The following ZNF750 variants were observed in gnomAD, a reference collection of about 807,000 sequenced individuals.
The protein encoded by ZNF750 is protein ZNF750.
ZNF750 carries 10 observed loss-of-function variants against 31.6 expected under a neutral mutation model. The ratio of observed to expected loss-of-function variants is 0.32; its 90% confidence interval spans 0.19 to 0.54. The LOEUF (loss-of-function observed/expected upper bound fraction) is 0.54, where lower values mean the gene tolerates loss of function less well. Among genes scored for constraint, ZNF750 ranks in the 20% least tolerant of loss-of-function variants. ZNF750 has a pLI of 0.95. For missense variants in ZNF750, 914 were observed against 934.9 expected (o/e 0.98, Z 0.29); for synonymous variants, 400 against 404.9 (o/e 0.99, Z 0.15).
At position 82,832,540 on chromosome 17, in the gene ZNF750, A is replaced by C; in HGVS notation, c.-86T>G. The C allele has an allele frequency of 1.6e-6, 2 of 1,217,306 alleles. No individual in the cohort carries two copies. Among genetic ancestry groups the C allele is most frequent in the African/African-American group, 1.5e-5 (1 of 67,324 alleles). The allele number at this position is 1,217,306 out of a possible 1,614,324, so 75.4% of individuals were successfully genotyped here. A position where few individuals can be genotyped will look rare whatever the true frequency, so the allele number is the denominator to read the frequency against. The stretch of plus-strand genomic sequence containing the variant: ...TGCACTTCGTGGTTTCTAAAGAGGC[A>C]CCTCCCGCTTTGCTTTCTTTCCCGA... On this transcript the variant is annotated 5_prime_UTR_variant, in exon 2 of 3. Transcript: ENST00000269394. The surrounding 1 kb of genome is among the most constrained non-coding windows in gnomAD (Gnocchi z 4.9).
Position 82,835,484 on chromosome 17 carries a change from G to T in ZNF750, c.-182-2848C>A, listed in dbSNP as rs2053889138. Among the ~76,000 whole-genome samples the T allele has an allele frequency of 6.6e-6, 1 of 152,120 alleles. No homozygotes were observed. Among genetic ancestry groups the T allele is most frequent in the Non-Finnish European group, 1.5e-5 (1 of 68,026 alleles). ...GTTGCCCAGGCTGGAGGGCAGTGGT[G>T]CGATCTCGGTTCACTGCAACCTCTG... On this transcript the variant is annotated intron_variant, in intron 1 of 2. Transcript: ENST00000269394. This position sits in a 1 kb window ranked among gnomAD's most constrained non-coding sequence, Gnocchi z 4.5.
rs749214457 is a variant in ZNF750 at position 82,830,480 on chromosome 17, TGGG to T, written c.1831_1833del (p.Pro611del). 1.2e-6 allele frequency: 2 copies of T among 1,613,302 alleles called. No homozygotes were observed. The highest frequency in any genetic ancestry group is 2.2e-5 in the South Asian group (2 of 91,058). ...TCTGGAGCCTCCTCGCCGGGGCCTG[TGGG>T]TGGGGCCCCGTCACCGTCGAGGCTG... On this transcript the variant is annotated inframe_deletion, in exon 3 of 3. Coordinates refer to ENST00000269394, the MANE Select transcript of ZNF750 (RefSeq NM_024702.3).
At chr17:82,839,037 A>T in intron 1 of ZNF750, 1 of 943,484 alleles carries the variant, frequency 1.1e-6, no homozygotes, top group Non-Finnish European at 1.3e-6. Context: ...ATCTGTGTCT[A>T]TATGTACAGA....
chr17:82,838,335 T>TAA (rs11370957), intron 1 of ZNF750, among the ~76,000 whole-genome samples: 342 of 149,938 alleles, frequency 2.3e-3, no homozygotes, highest in African/African-American at 6.5e-3. Context: ...AAAGAGTTCT[T>TAA]AAAAAAAAAA....
chr17:82,838,140 A>G (rs992084380), intron 1 of ZNF750, among the ~76,000 whole-genome samples: 2 of 152,228 alleles, frequency 1.3e-5, no homozygotes, highest in African/African-American at 4.8e-5. Flanking sequence ...CCACACAGAC[A>G]GTGCTTTGAA....
rs750371363 is a variant in ZNF750 at position 82,832,466 on chromosome 17, T to G, written c.-12A>C. On this transcript the variant is annotated 5_prime_UTR_variant, in exon 2 of 3. Coordinates refer to ENST00000269394, the MANE Select transcript of ZNF750 (RefSeq NM_024702.3). This position sits in a 1 kb window ranked among gnomAD's most constrained non-coding sequence, Gnocchi z 4.9. Reference sequence around the variant, plus strand: ...TTGAGGAGACTCATTTTCCTCCTTATGCCTTGGACTCTGGCTGTCCAGGTG... The same window carrying G: ...TTGAGGAGACTCATTTTCCTCCTTAGGCCTTGGACTCTGGCTGTCCAGGTG... 2.5e-6 allele frequency: 4 copies of G among 1,605,652 alleles called. No homozygotes were observed. In the African/African-American group the frequency reaches 5.3e-5, roughly 21 times the overall value.
chr17:82,832,329 A>G lies in ZNF750; in HGVS notation c.126T>C (p.Asn42=). 1 of 1,614,242 alleles carries G rather than the reference A, an allele frequency of 6.2e-7. No homozygotes were observed. Residue 42 remains asparagine, a synonymous_variant, in exon 2 of 3, where the codon AAT becomes AAC. Coordinates refer to ENST00000269394, the MANE Select transcript of ZNF750 (RefSeq NM_024702.3). The surrounding 1 kb of genome is among the most constrained non-coding windows in gnomAD (Gnocchi z 4.9). ...FTCNEKSHLF[N]HMKYGLCKNS... ...TTTTACAAAGACCATACTTCATGTG[A>G]TTAAAAAGATGTGACTTCTCATTGC...
rs1246863856 is a variant in ZNF750, at chr17:82,830,547, A to C, written c.1767T>G (p.Gly589=). ...AAVPQKTGTE[G]SEDGPSHPET... is the part of the protein sequence containing the mutation. ...CAGGGTGGCTGGGCCCATCCTCAGA[A>C]CCTTCTGTCCCAGTCTTCTGTGGAA... Residue 589 remains glycine, a synonymous_variant, in exon 3 of 3, where the codon GGT becomes GGG. Coordinates refer to ENST00000269394, the MANE Select transcript of ZNF750 (RefSeq NM_024702.3). 1.9e-6 allele frequency: 3 copies of C among 1,613,944 alleles called. No individual in the cohort carries two copies. The South Asian group carries it at 3.3e-5, about 18-fold the overall frequency.
At position 82,831,732 on chromosome 17, in the gene ZNF750, C is replaced by T. The variant is rs111300300; in HGVS notation, c.723G>A (p.Glu241=). ...ISPYMHPTIP[E]YPPHFYTEHG... is the part of the protein sequence containing the mutation. ...GCTCTGTGTAAAAGTGAGGCGGGTA[C>T]TCTGGGATTGTGGGGTGCATGTAAG... Residue 241 remains glutamate (E), a synonymous_variant, in exon 2 of 3, where the codon GAG becomes GAA. Coordinates refer to ENST00000269394, the MANE Select transcript of ZNF750 (RefSeq NM_024702.3). This position sits in a 1 kb window ranked among gnomAD's most constrained non-coding sequence, Gnocchi z 4.6. The T allele has an allele frequency of 3.1e-6, 5 of 1,613,992 alleles. No individual in the cohort carries two copies. The South Asian group carries it at 4.4e-5, about 14-fold the overall frequency.
intron 1 of ZNF750, among the ~76,000 whole-genome samples, chr17:82,839,461 C>T (rs969990906): frequency 6.6e-6 from 1 of 151,648 alleles, no homozygotes; most frequent in Non-Finnish European, 1.5e-5. Flanking sequence ...TAAATTCAGC[C>T]TAATGTACAT....
rs142460137 is a variant in ZNF750, at chr17:82,832,026, C to A, written c.429G>T (p.Pro143=). 1.2e-6 allele frequency: 2 copies of A among 1,612,622 alleles called. No individual in the cohort carries two copies. Among genetic ancestry groups the A allele is most frequent in the Admixed American group, 1.7e-5 (1 of 59,990 alleles). Residue 143 remains proline, a synonymous_variant, in exon 2 of 3, where the codon CCG becomes CCT. Coordinates refer to ENST00000269394, the MANE Select transcript of ZNF750 (RefSeq NM_024702.3). This position sits in a 1 kb window ranked among gnomAD's most constrained non-coding sequence, Gnocchi z 4.9. ...HRASPCKSPA[P]EAALGAQPAL... ...CAGGCTGGGCACCGAGGGCGGCTTC[C>A]GGAGCTGGGCTCTTGCAGGGTGATG... is the stretch of plus-strand genomic sequence containing the variant.
chr17:82,836,710 A>C (rs1026224501), intron 1 of ZNF750, among the ~76,000 whole-genome samples: 5 of 152,024 alleles, frequency 3.3e-5, no homozygotes, highest in East Asian at 1.9e-4. Context: ...AAAACAAAAC[A>C]AAACCAAAAA....
rs1347015485 is a variant in ZNF750, at chr17:82,832,213, G to C, written c.242C>G (p.Ala81Gly). 2 of 1,614,256 alleles carry C rather than the reference G, an allele frequency of 1.2e-6. No individual in the cohort carries two copies. Among genetic ancestry groups the C allele is most frequent in the Admixed American group, 1.7e-5 (1 of 60,032 alleles). Residue 81 changes from alanine (A) to glycine (G), a missense_variant, in exon 2 of 3, where the codon GCC becomes GGC. Ala to Gly is a moderately conservative substitution (Grantham distance 60). Coordinates refer to ENST00000269394, the MANE Select transcript of ZNF750 (RefSeq NM_024702.3). The surrounding 1 kb of genome is among the most constrained non-coding windows in gnomAD (Gnocchi z 4.9). Reference sequence around the variant, plus strand: ...CTTGGAAGAGGCTGGCTTCGCCGTGGCATCGGGCTGGTTGGTTTGCTTGGG... The same window carrying C: ...CTTGGAAGAGGCTGGCTTCGCCGTGCCATCGGGCTGGTTGGTTTGCTTGGG... ...LDPKQTNQPDATAKPASSKSV... is the reference protein window; with the variant it reads ...LDPKQTNQPDGTAKPASSKSV...
rs776343194 is a variant in ZNF750 at position 82,830,407 on chromosome 17, A to ACGGCTG, written c.1901_1906dup (p.Ala634_Ala635dup). 1.4e-4 allele frequency: 228 copies of ACGGCTG among 1,611,662 alleles called. No homozygotes were observed. Among genetic ancestry groups the ACGGCTG allele is most frequent in the Non-Finnish European group, 1.9e-4 (221 of 1,179,936 alleles). ...GTAGGCCGCCAGCTGGCACAGGGCCACGGCTGCCGTCTGCTTCTGCTCCTC... is the reference window on the plus strand; with the variant it reads ...GTAGGCCGCCAGCTGGCACAGGGCCACGGCTGCGGCTGCCGTCTGCTTCTGCTCCTC... On this transcript the variant is annotated inframe_insertion, in exon 3 of 3. Transcript: ENST00000269394.
In ZNF750 at chr17:82,831,051, C is replaced by T. The variant is rs1413769883; in HGVS notation, c.1404G>A (p.Gln468=). 1 of 1,614,070 alleles carries T rather than the reference C, an allele frequency of 6.2e-7. No homozygotes were observed. The highest frequency in any genetic ancestry group is 8.5e-7 in the Non-Finnish European group (1 of 1,180,056). The change falls in exon 2 of 3, where the codon CAG becomes CAA. Residue 468 remains glutamine, a synonymous_variant. Coordinates refer to ENST00000269394, the MANE Select transcript of ZNF750 (RefSeq NM_024702.3). This position sits in a 1 kb window ranked among gnomAD's most constrained non-coding sequence, Gnocchi z 4.6. ...GAGACTCTGCTGTGGTCTCAGCAGCCTGGGCAGGTAGGCATTCTGTGCTTT... is the reference window on the plus strand; with the variant it reads ...GAGACTCTGCTGTGGTCTCAGCAGCTTGGGCAGGTAGGCATTCTGTGCTTT... ...VKKSTECLPA[Q]AAETTAESPV...
At chr17:82,838,552 G>A in intron 1 of ZNF750, 1 of 664,754 alleles carries the variant, frequency 1.5e-6, no homozygotes, top group Non-Finnish European at 1.9e-6. Flanking sequence ...ATATTGTGAT[G>A]TGGCGTTGTT....
chr17:82,838,411 G>C (rs915793980), intron 1 of ZNF750, among the ~76,000 whole-genome samples: 1 of 152,078 alleles, frequency 6.6e-6, no homozygotes, highest in African/African-American at 2.4e-5. Flanking sequence ...TGACAGGCTG[G>C]GTAACTATGC....
chr17:82,838,697 A>G (rs2145406493), intron 1 of ZNF750: 2 of 985,448 alleles, frequency 2.0e-6, no homozygotes, highest in African/African-American at 3.5e-5. Flanking sequence ...CTTTAAAATG[A>G]AAGATAAACC....
intron 1 of ZNF750, among the ~76,000 whole-genome samples, chr17:82,834,406 A>C (rs1241155578): frequency 6.6e-6 from 1 of 152,224 alleles, no homozygotes; most frequent in African/African-American, 2.4e-5. Context: ...AAATGTAAAA[A>C]AGAAAAGGTC....
Sources: allele counts gnomAD v4.1 joint callset (sites outside exome capture counted in the v4.1 genomes callset), GRCh38; gene constraint gnomAD v4.1.1; non-coding constraint Gnocchi (gnomAD v3.1); transcripts MANE v1.5; gene names NCBI Gene and HGNC (gene_info 2026-07-23, HGNC 2026-07-21).